The following XRCC4 variants were observed in gnomAD, a reference collection of about 807,000 sequenced individuals.
XRCC4 encodes DNA repair protein XRCC4.
A neutral mutation model predicts 39.1 loss-of-function variants in XRCC4; 28 were observed. That is an observed-to-expected ratio of 0.72 (90% CI 0.53 to 0.98). The LOEUF is 0.98. XRCC4 is among the 50% of genes least tolerant of loss of function. The pLI is 0.00. For missense variants in XRCC4, 350 were observed against 376.4 expected (o/e 0.93, Z 0.58); for synonymous variants, 123 against 126.4 (o/e 0.97, Z 0.18).
At chr5:83,246,040 T>C (rs1457425086) in intron 6 of XRCC4, among the ~76,000 whole-genome samples, 3 of 152,076 alleles carry the variant, frequency 2.0e-5, no homozygotes, top group Non-Finnish European at 4.4e-5. Context: ...TTTTCTATCA[T>C]TGTCCTTTTT....
At position 83,217,680 on chromosome 5, in the gene XRCC4, C is replaced by G. The variant is rs570345097; in HGVS notation, c.745+12759C>G. 3.9e-5 allele frequency among the ~76,000 whole-genome samples: 6 copies of G among 152,280 alleles called. No individual in the cohort carries two copies. In the South Asian group the frequency reaches 1.0e-3, roughly 26 times the overall value. On this transcript the variant is annotated intron_variant, in intron 6 of 7. Transcript: ENST00000396027. Reference sequence around the variant, plus strand: ...GTGTAACTCTTACCTGAAGTTTTTACTATACTCAACTTCAATGAATGCCTT... The same window carrying G: ...GTGTAACTCTTACCTGAAGTTTTTAGTATACTCAACTTCAATGAATGCCTT...
At chr5:83,085,479 T>TG (rs945937457) in intron 1 of XRCC4, among the ~76,000 whole-genome samples, 3 of 39,926 alleles carry the variant, frequency 7.5e-5, no homozygotes, top group Non-Finnish European at 5.1e-5. Flanking sequence ...ATGTTTATGA[T>TG]TTTTTTTGTA....
rs7701144 is a variant in XRCC4 at position 83,278,086 on chromosome 5, A to G, written c.893+19409A>G. On this transcript the variant is annotated intron_variant, in intron 7 of 7. Coordinates refer to ENST00000396027, the MANE Select transcript of XRCC4 (RefSeq NM_003401.5). ...GCTCATCAATTTGCCAGTCAGACAA[A>G]TGGAGTCAAGCTCCCATCCAGGAGG... Among the ~76,000 whole-genome samples, 853 of 152,300 alleles carry G rather than the reference A, an allele frequency of 5.6e-3. 8 individuals carry two copies. The highest frequency in any genetic ancestry group is 0.02 in the African/African-American group (821 of 41,560).
intron 6 of XRCC4, among the ~76,000 whole-genome samples, chr5:83,214,935 A>G (rs910758183): frequency 6.6e-6 from 1 of 152,064 alleles, no homozygotes; most frequent in African/African-American, 2.4e-5. Context: ...AATAAGTCTA[A>G]CAAAAGAAAT....
intron 6 of XRCC4, among the ~76,000 whole-genome samples, chr5:83,240,436 G>A (rs1752863343): frequency 1.3e-5 from 2 of 152,114 alleles, no homozygotes; most frequent in South Asian, 4.1e-4. Context: ...CAGAAATAGA[G>A]AGAGGGGAGA....
chr5:83,341,654 C>T (rs746298685), intron 7 of XRCC4, among the ~76,000 whole-genome samples: 3 of 151,878 alleles, frequency 2.0e-5, no homozygotes, highest in Non-Finnish European at 4.4e-5. Context: ...TTAGTGATGA[C>T]CCCCCCACTC....
chr5:83,090,635 C>A (rs62372713), intron 1 of XRCC4, among the ~76,000 whole-genome samples: 1 of 151,972 alleles, frequency 6.6e-6, no homozygotes, highest in Non-Finnish European at 1.5e-5. Context: ...AAATCCCAGC[C>A]TACTAATCAC....
intron 3 of XRCC4, among the ~76,000 whole-genome samples, chr5:83,162,651 A>G (rs148178272): frequency 6.6e-6 from 1 of 152,170 alleles, no homozygotes; most frequent in Non-Finnish European, 1.5e-5. Flanking sequence ...TGCTTTTAAT[A>G]TATTTTTTTC....
chr5:83,197,028 AGTGTTATTT>A (rs1195403538), intron 4 of XRCC4, among the ~76,000 whole-genome samples: 1 of 151,654 alleles, frequency 6.6e-6, no homozygotes, highest in East Asian at 1.9e-4. Flanking sequence ...CCTAACATCT[AGTGTTATTT>A]GGCTTTCATG....
intron 4 of XRCC4, among the ~76,000 whole-genome samples, chr5:83,197,724 C>A (rs1404543240): frequency 6.6e-6 from 1 of 152,072 alleles, no homozygotes; most frequent in East Asian, 1.9e-4. Flanking sequence ...CAGCCATGTA[C>A]CCTGTCACCT....
intron 7 of XRCC4, among the ~76,000 whole-genome samples, chr5:83,296,115 T>C (rs996123736): frequency 1.1e-4 from 16 of 152,120 alleles, no homozygotes; most frequent in Admixed American, 6.6e-5. Context: ...TCGTCTCTCC[T>C]TTCCAAATAG....
At chr5:83,215,513 A>G (rs963704852) in intron 6 of XRCC4, among the ~76,000 whole-genome samples, 6 of 152,212 alleles carry the variant, frequency 3.9e-5, no homozygotes, top group African/African-American at 1.4e-4. Flanking sequence ...CTTGGAAAAC[A>G]AGAAATAATT....
chr5:83,351,035 G>A (rs1757066009), intron 7 of XRCC4, among the ~76,000 whole-genome samples: 2 of 152,166 alleles, frequency 1.3e-5, no homozygotes, highest in African/African-American at 4.8e-5. Context: ...AAGGGGCCTG[G>A]TGGGAGGTTA....
intron 4 of XRCC4, 122 bp from the exon 5 acceptor site, chr5:83,203,430 A>T: frequency 1.3e-6 from 1 of 790,644 alleles, no homozygotes; most frequent in East Asian, 3.1e-5. Flanking sequence ...AAGTCAGTGA[A>T]AGCATATGTG....
At chr5:83,349,999 G>T (rs779179862) in intron 7 of XRCC4, among the ~76,000 whole-genome samples, 35 of 152,032 alleles carry the variant, frequency 2.3e-4, no homozygotes, top group Admixed American at 3.3e-4. Context: ...TCACTTATAA[G>T]TGAGAACACA....
intron 6 of XRCC4, among the ~76,000 whole-genome samples, chr5:83,218,953 G>C (rs1580385264): frequency 6.6e-6 from 1 of 152,006 alleles, no homozygotes; most frequent in Non-Finnish European, 1.5e-5. Flanking sequence ...ACATAACTGA[G>C]TGACTTGAAC....
In XRCC4 at chr5:83,153,333, C is replaced by T. The variant is rs371283741; in HGVS notation, c.315+42130C>T. Among the ~76,000 whole-genome samples, 10 of 152,134 alleles carry T rather than the reference C, an allele frequency of 6.6e-5. No individual in the cohort carries two copies. In the East Asian group the frequency reaches 9.7e-4, roughly 15 times the overall value. ...AAGCAATTCTCATGCCTTAGCCTCC[C>T]AAGTAGCTGGGATTACAGGTGCCCA... On this transcript the variant is annotated intron_variant, in intron 3 of 7. Coordinates refer to ENST00000396027, the MANE Select transcript of XRCC4 (RefSeq NM_003401.5).
At chr5:83,357,355 G>A (rs565207933), downstream of XRCC4, among the ~76,000 whole-genome samples, 2 of 152,306 alleles carry the variant, frequency 1.3e-5, no homozygotes, top group South Asian at 4.2e-4. Context: ...ACTATAATAT[G>A]AAGGAGTGGT....
At chr5:83,364,112 G>A in the XRCC4 span, among the ~76,000 whole-genome samples, 2 of 152,140 alleles carry the variant, frequency 1.3e-5, no homozygotes, top group Admixed American at 6.5e-5. Context: ...ATCCTGAAAG[G>A]AGACATTGTG....
Sources: gnomAD v4.1 joint callset for allele counts (sites outside exome capture counted in the v4.1 genomes callset) on GRCh38, gnomAD v4.1.1 for gene constraint, MANE v1.5 for transcripts, NCBI Gene and HGNC (gene_info 2026-07-23, HGNC 2026-07-21) for gene names.